NEB: variants seen among roughly 807,000 people sequenced by gnomAD.
NEB encodes nemaline myopathy type 2.
Under a neutral mutation model 952.2 loss-of-function variants are expected in NEB, and 512 were observed. That is an observed-to-expected ratio of 0.54 (90% confidence interval 0.50 to 0.58). The LOEUF (loss-of-function observed/expected upper bound fraction) is 0.58. NEB is among the 20% of genes least tolerant of loss of function. NEB has a pLI of 0.00. For synonymous variants in NEB, 2,900 were observed against 3,149.8 expected, an observed-to-expected ratio of 0.92 and a Z score of 2.66; for missense variants, 8,428 against 9,231.1, an observed-to-expected ratio of 0.91 and a Z score of 3.56.
intron 162 of NEB, chr2:151,507,772 A>C: frequency 2.1e-6 from 1 of 482,752 alleles, no homozygotes; most frequent in East Asian, 3.1e-5. Flanking sequence ...AAAAGATACT[A>C]TATTTTCTCC....
Position 151,529,321 on chromosome 2 carries a change from G to C in NEB, c.21631-7C>G, listed in dbSNP as rs374513817. On this transcript the variant is annotated splice_region_variant and splice_polypyrimidine_tract_variant and intron_variant, in intron 145 of 181. Transcript: ENST00000397345. ...ATACTTCTTTGTATTTCAGCTGTGG[G>C]AGGAAACACAGTGACAAGATTAATT... 4.5e-6 allele frequency: 7 copies of C among 1,567,108 alleles called. No homozygotes were observed. In the African/African-American group the frequency reaches 9.5e-5, roughly 21 times the overall value.
intron 60 of NEB, among the ~76,000 whole-genome samples, chr2:151,641,624 C>A (rs893601629): frequency 6.6e-6 from 1 of 152,120 alleles, no homozygotes; most frequent in Non-Finnish European, 1.5e-5. Flanking sequence ...AGCCATGGTG[C>A]CTGACCTATA....
intron 9 of NEB, among the ~76,000 whole-genome samples, 154 bp downstream of exon 9, chr2:151,723,228 A>G (rs1222875383): frequency 6.6e-6 from 1 of 152,210 alleles, no homozygotes; most frequent in East Asian, 1.9e-4. Flanking sequence ...TTTAAATGAG[A>G]CATCATAAAT....
In NEB at chr2:151,485,772, A is replaced by G; in HGVS notation, c.25566T>C (p.Val8522=). 1.2e-6 allele frequency: 2 copies of G among 1,610,614 alleles called. No individual in the cohort carries two copies. The highest frequency in any genetic ancestry group is 1.7e-6 in the Non-Finnish European group (2 of 1,177,286). ...TGCTTTGAAATGCCTAAATAGCTTC[A>G]ACGTAGTTGGCTGGGAGCATTCCGG... ...GRTGMLPANY[V]EAI Residue 8522 remains valine (V), a synonymous_variant, in exon 182 of 182, where the codon GTT becomes GTC. Coordinates refer to ENST00000397345, the MANE Select transcript of NEB (RefSeq NM_001164508.2).
chr2:151,724,211 T>C (rs1274576186), intron 8 of NEB, 49 bp downstream of exon 8: 4 of 1,358,214 alleles, frequency 2.9e-6, no homozygotes, highest in African/African-American at 2.9e-5. Flanking sequence ...ATGAAATATA[T>C]GATGGGATGA....
At chr2:151,666,738 G>A (rs1004493398) in intron 40 of NEB, among the ~76,000 whole-genome samples, 1 of 151,906 alleles carries the variant, frequency 6.6e-6, no homozygotes, top group Non-Finnish European at 1.5e-5. Flanking sequence ...TTGAGACAGG[G>A]TCTTGCTCTG....
In NEB at chr2:151,610,844, T is replaced by A; in HGVS notation, c.11828A>T (p.Asp3943Val). ...CACGTGGATGGAGGTTTTGTCAGCA[T>A]CCCAAGCTTCTGTGTATAAATGCTA... ...MSKHLYTEAW[D>V]ADKTSIHVMP... is the part of the protein sequence containing the mutation. Residue 3943 changes from aspartate (D) to valine (V), a missense_variant, in exon 79 of 182, where the codon GAT becomes GTT. Around this residue, in one of 11 missense-constraint regions of NEB, gnomAD observed 337 missense variants for 297.5 expected, o/e 1.13. Coordinates refer to ENST00000397345, the MANE Select transcript of NEB (RefSeq NM_001164508.2). 1.3e-6 allele frequency: 2 copies of A among 1,598,046 alleles called. No homozygotes were observed. The highest frequency in any genetic ancestry group is 1.1e-5 in the South Asian group (1 of 88,316).
Position 151,618,136 on chromosome 2 carries a change from C to T in NEB, c.11076+139G>A, listed in dbSNP as rs147126799. On this transcript the variant is annotated intron_variant, in intron 74 of 181. Coordinates refer to ENST00000397345, the MANE Select transcript of NEB (RefSeq NM_001164508.2). Reference sequence around the variant, plus strand: ...AATATTTTGAAGTATCACTAAGTAACTATGGTATTATAGTGGAAAAATCAT... The same window carrying T: ...AATATTTTGAAGTATCACTAAGTAATTATGGTATTATAGTGGAAAAATCAT... The T allele has an allele frequency of 4.0e-5, 30 of 751,128 alleles. No homozygotes were observed. The South Asian group carries it at 4.6e-4, about 12-fold the overall frequency. The allele number at this position is 751,128 out of a possible 1,614,324, so 46.5% of individuals were successfully genotyped here. A position where few individuals can be genotyped will look rare whatever the true frequency, so the allele number is the denominator to read the frequency against.
rs754183918 is a variant in NEB, at chr2:151,717,404, C to A, written c.822+12G>T. 1 of 1,581,218 alleles carries A rather than the reference C, an allele frequency of 6.3e-7. No individual in the cohort carries two copies. The highest frequency in any genetic ancestry group is 1.7e-5 in the Admixed American group (1 of 59,938). On this transcript the variant is annotated intron_variant, in intron 10 of 181. Coordinates refer to ENST00000397345, the MANE Select transcript of NEB (RefSeq NM_001164508.2). ...CTTCAAGGGAGGCAATGTCCCAGCT[C>A]TATTTACTTACCTTGCTCACTTGAT...
chr2:151,610,479 A>T (rs1261418005), intron 80 of NEB, 37 bp downstream of exon 80: 2 of 1,503,230 alleles, frequency 1.3e-6, no homozygotes. Context: ...TGTTCAGCAC[A>T]GTGGAGACCA....
chr2:151,594,475 A>C (rs1337766335), intron 92 of NEB, among the ~76,000 whole-genome samples, 157 bp from the exon 93 acceptor site: 1 of 151,500 alleles, frequency 6.6e-6, no homozygotes, highest in Non-Finnish European at 1.5e-5. Flanking sequence ...TAAAGGAATT[A>C]GATAATACGA....
At position 151,702,584 on chromosome 2, in the gene NEB, C is replaced by T. The variant is rs373250411; in HGVS notation, c.1152+4297G>A. Among the ~76,000 whole-genome samples the T allele has an allele frequency of 7.9e-5, 12 of 151,690 alleles. No homozygotes were observed. In the East Asian group the frequency reaches 1.4e-3, roughly 17 times the overall value. On this transcript the variant is annotated intron_variant, in intron 13 of 181. Transcript: ENST00000397345. ...GTGCATATATATTTAGGATAGTTAG[C>T]TCTTCTTGTGGAATTGATCCCTTTA...
intron 181 of NEB, among the ~76,000 whole-genome samples, chr2:151,489,700 G>GT (rs781074471): frequency 6.6e-6 from 1 of 151,948 alleles, no homozygotes; most frequent in Non-Finnish European, 1.5e-5. Context: ...CCCAGCAAAT[G>GT]TTTAAGATAG....
chr2:151,519,107 A>G (rs1372488168), intron 154 of NEB, 38 bp from the exon 155 acceptor site: 1 of 1,304,316 alleles, frequency 7.7e-7, no homozygotes, highest in Non-Finnish European at 1.1e-6. Context: ...TCACGTAAAT[A>G]GGAAATGGAA....
At chr2:151,531,608 C>T (rs527724982) in intron 144 of NEB, among the ~76,000 whole-genome samples, 184 bp downstream of exon 144, 65 of 152,310 alleles carry the variant, frequency 4.3e-4, no homozygotes, top group African/African-American at 1.5e-3. Context: ...TAAGCCACCA[C>T]GCCCGGCCAC....
intron 140 of NEB, among the ~76,000 whole-genome samples, chr2:151,537,540 A>C (rs192666140): frequency 3.9e-5 from 6 of 152,318 alleles, no homozygotes; most frequent in Admixed American, 3.3e-4. Flanking sequence ...TGAACTTTCT[A>C]AGTGAGCATT....
rs2099604204 is a variant in NEB at position 151,697,396 on chromosome 2, T to C, written c.1319A>G (p.Asp440Gly). The part of the protein sequence containing the change: ...ILGHYVGSFE[D>G]PYHSHCMKVT... Reference sequence around the variant, plus strand: ...TTTCATGCAGTGTGAATGGTATGGATCCTCGAAGCTGCCTACATAATGTCC... The same window carrying C: ...TTTCATGCAGTGTGAATGGTATGGACCCTCGAAGCTGCCTACATAATGTCC... The change falls in exon 15 of 182, where the codon GAT becomes GGT. Residue 440 changes from aspartate (D) to glycine (G), a missense_variant. Coordinates refer to ENST00000397345, the MANE Select transcript of NEB (RefSeq NM_001164508.2). 2 of 1,614,016 alleles carry C rather than the reference T, an allele frequency of 1.2e-6. No homozygotes were observed. Among genetic ancestry groups the C allele is most frequent in the African/African-American group, 1.3e-5 (1 of 75,070 alleles).
intron 129 of NEB, among the ~76,000 whole-genome samples, chr2:151,550,664 G>C (rs144735118): frequency 6.6e-6 from 1 of 152,058 alleles, no homozygotes; most frequent in African/African-American, 2.4e-5. Context: ...TTGAGACAGG[G>C]TCTCACTGTG....
rs369183371 is a variant in NEB, at chr2:151,531,099, G to T, written c.21525C>A (p.Ile7175=). Reference sequence around the variant, plus strand: ...CCTTGTTGTATTCCAATTTATAAAGGATCTGAAAGATCAAAAAGCAGAAAG... The same window carrying T: ...CCTTGTTGTATTCCAATTTATAAAGTATCTGAAAGATCAAAAAGCAGAAAG... The part of the protein sequence containing the change: ...TTKVNKQISD[I]LYKLEYNKAK... Residue 7175 remains isoleucine (I), a splice_region_variant and synonymous_variant, in exon 145 of 182, where the codon ATC becomes ATA. Coordinates refer to ENST00000397345, the MANE Select transcript of NEB (RefSeq NM_001164508.2). 4 of 1,590,636 alleles carry T rather than the reference G, an allele frequency of 2.5e-6. No homozygotes were observed. Among genetic ancestry groups the T allele is most frequent in the Non-Finnish European group, 3.4e-6 (4 of 1,160,404 alleles).
Sources: gnomAD v4.1 joint callset for allele counts (sites outside exome capture counted in the v4.1 genomes callset) on GRCh38, gnomAD v4.1.1 for gene constraint, gnomAD v4.1.1 regional missense constraint, MANE v1.5 for transcripts, NCBI Gene and HGNC (gene_info 2026-07-23, HGNC 2026-07-21) for gene names.